Variants in ESRRG observed in about 807,000 individuals in gnomAD.
ESRRG encodes estrogen related receptor gamma, also known as estrogen-related receptor gamma.
ESRRG carries 13 observed loss-of-function variants against 44.0 expected under a neutral mutation model. The observed-to-expected ratio is 0.30, with a 90% CI of 0.19 to 0.47. The LOEUF is 0.47. ESRRG is among the 20% of genes least tolerant of loss of function. ESRRG has a pLI of 1.00. For missense variants in ESRRG, 395 were observed against 580.6 expected (o/e 0.68, Z 3.29); for synonymous variants, 215 against 214.6 (o/e 1.00, Z -0.02).
At chr1:217,068,780 C>G (rs955137070) in intron 1 of ESRRG, among the ~76,000 whole-genome samples, 2 of 152,206 alleles carry the variant, frequency 1.3e-5, no homozygotes, top group Non-Finnish European at 2.9e-5. Flanking sequence ...GTCACATGAC[C>G]TTCTGAAGAA....
chr1:216,788,085 T>C (rs2094192918), intron 2 of ESRRG, among the ~76,000 whole-genome samples: 1 of 152,158 alleles, frequency 6.6e-6, no homozygotes, highest in Non-Finnish European at 1.5e-5. Flanking sequence ...AAGTGCAAGG[T>C]GAAGCAGCAA....
intron 2 of ESRRG, among the ~76,000 whole-genome samples, chr1:216,924,315 T>C (rs2062226819): frequency 6.6e-6 from 1 of 152,204 alleles, no homozygotes. Flanking sequence ...AACATGCAGA[T>C]TTCCACTGGT....
chr1:216,892,700 G>A (rs1336478791), intron 2 of ESRRG, among the ~76,000 whole-genome samples: 1 of 152,152 alleles, frequency 6.6e-6, no homozygotes, highest in Non-Finnish European at 1.5e-5. Flanking sequence ...AAAGGACGAA[G>A]CAGTGGCAAG....
At chr1:216,608,215 C>T (rs548861007) in intron 3 of ESRRG, among the ~76,000 whole-genome samples, 83 of 152,192 alleles carry the variant, frequency 5.5e-4, no homozygotes, top group African/African-American at 2.0e-3. Flanking sequence ...CCAATAAAGC[C>T]ATGTTTGCAT....
At chr1:216,929,454 T>A (rs1183374715) in intron 2 of ESRRG, among the ~76,000 whole-genome samples, 1 of 152,080 alleles carries the variant, frequency 6.6e-6, no homozygotes, top group Non-Finnish European at 1.5e-5. Context: ...TGGAAACATA[T>A]AATGAAGACT....
At chr1:216,961,567 T>A (rs2150180648) in intron 1 of ESRRG, among the ~76,000 whole-genome samples, 1 of 151,752 alleles carries the variant, frequency 6.6e-6, no homozygotes, top group East Asian at 1.9e-4. Context: ...TCTTATTTTT[T>A]TTTTTTTTTT....
At chr1:217,088,560 G>T (rs191535508) in intron 1 of ESRRG, among the ~76,000 whole-genome samples, 47 of 151,744 alleles carry the variant, frequency 3.1e-4, no homozygotes, top group Non-Finnish European at 6.0e-4. Context: ...CATAGCAAAC[G>T]TGCTTCCCTA....
intron 2 of ESRRG, among the ~76,000 whole-genome samples, chr1:216,937,030 G>A (rs962922709): frequency 6.6e-6 from 1 of 151,918 alleles, no homozygotes; most frequent in African/African-American, 2.4e-5. Flanking sequence ...AGAACTGTAG[G>A]AGTGGGTTTT....
intron 1 of ESRRG, chr1:216,714,587 C>T (rs769947175): frequency 1.5e-5 from 15 of 978,704 alleles, no homozygotes; most frequent in Non-Finnish European, 1.8e-5. Context: ...ATAGATTTTC[C>T]AATCATTAAA....
intron 2 of ESRRG, among the ~76,000 whole-genome samples, chr1:216,880,264 G>A (rs1417845277): frequency 2.6e-5 from 3 of 117,100 alleles, no homozygotes; most frequent in Non-Finnish European, 3.2e-5. Flanking sequence ...CCAAGATTGT[G>A]CCACTGCACT....
intron 2 of ESRRG, among the ~76,000 whole-genome samples, chr1:216,747,988 C>T (rs1316594444): frequency 1.3e-5 from 2 of 151,940 alleles, no homozygotes; most frequent in Non-Finnish European, 2.9e-5. Context: ...TCTATGATGT[C>T]AGTAACATGA....
Position 217,026,912 on chromosome 1 carries a change from C to CAGAG in ESRRG, c.-106+62591_-106+62594dup, listed in dbSNP as rs71163786. ...ATACACACACACACACACACACACA[C>CAGAG]AGAGAGAGAGAGAGAGAGAGAGAGA... On this transcript the variant is annotated intron_variant, in intron 1 of 7. Coordinates refer to the ESRRG transcript ENST00000359162. Among the ~76,000 whole-genome samples the CAGAG allele has an allele frequency of 6.0e-3, 563 of 93,466 alleles. 6 individuals carry two copies. Among genetic ancestry groups the CAGAG allele is most frequent in the African/African-American group, 0.019 (478 of 24,876 alleles). 61.3% of individuals were successfully genotyped at this position (93,466 alleles called of 152,430 possible).
intron 2 of ESRRG, among the ~76,000 whole-genome samples, chr1:216,658,178 C>T (rs2071129294): frequency 6.6e-6 from 1 of 152,058 alleles, no homozygotes; most frequent in Non-Finnish European, 1.5e-5. Flanking sequence ...TGGCCACCTC[C>T]CTGTGCAAAA....
chr1:216,566,264 C>T (rs1185655988), intron 4 of ESRRG, among the ~76,000 whole-genome samples: 2 of 152,322 alleles, frequency 1.3e-5, no homozygotes, highest in African/African-American at 2.4e-5. Context: ...AGTCTCTTGA[C>T]ACTTATCTGA....
At chr1:216,952,098 A>G (rs374575236) in intron 1 of ESRRG, among the ~76,000 whole-genome samples, 1 of 152,058 alleles carries the variant, frequency 6.6e-6, no homozygotes, top group African/African-American at 2.4e-5. Context: ...TGTGTAAACG[A>G]TCTCTGCCCC....
At chr1:216,957,558 A>G (rs1447310480) in intron 1 of ESRRG, among the ~76,000 whole-genome samples, 1 of 152,060 alleles carries the variant, frequency 6.6e-6, no homozygotes, top group Non-Finnish European at 1.5e-5. Flanking sequence ...TTCTTTCTCT[A>G]ACACCATCCA....
At chr1:216,717,378 A>G (rs1335247902) in intron 1 of ESRRG, among the ~76,000 whole-genome samples, 1 of 151,880 alleles carries the variant, frequency 6.6e-6, no homozygotes, top group African/African-American at 2.4e-5. Context: ...CCTAGACCTT[A>G]CAAAGTACAA....
chr1:216,670,760 C>G (rs988781142), intron 2 of ESRRG, among the ~76,000 whole-genome samples: 10 of 152,100 alleles, frequency 6.6e-5, no homozygotes, highest in Admixed American at 6.6e-4. Flanking sequence ...GGGCCTTAGA[C>G]ATGTGGGCAA....
intron 1 of ESRRG, among the ~76,000 whole-genome samples, chr1:217,133,645 CTCTTTCTTTCTT>C (rs59600886): frequency 8.0e-4 from 73 of 91,700 alleles, no homozygotes; most frequent in African/African-American, 2.2e-3. Flanking sequence ...CTCTCTCTCT[CTCTTTCTTTCTT>C]TCTTTCTTTC....
Sources: gnomAD v4.1 joint callset for allele counts (sites outside exome capture counted in the v4.1 genomes callset) on GRCh38, gnomAD v4.1.1 for gene constraint, MANE v1.5 for transcripts, NCBI Gene and HGNC (gene_info 2026-07-23, HGNC 2026-07-21) for gene names.